The following MYO5A variants were observed in gnomAD, a reference collection of about 807,000 sequenced individuals.
MYO5A encodes the protein myosin VA, also known as unconventional myosin-Va.
MYO5A carries 98 observed loss-of-function variants against 249.7 expected under a neutral mutation model. The observed-to-expected ratio is 0.39, with a 90% CI of 0.33 to 0.46. The LOEUF (loss-of-function observed/expected upper bound fraction) is 0.46. Among genes scored for constraint, MYO5A ranks in the 20% least tolerant of loss-of-function variants. MYO5A has a pLI of 0.98. For synonymous variants in MYO5A, 778 were observed against 810.6 expected (o/e 0.96, Z 0.68); for missense variants, 1,696 against 2,308.8 (o/e 0.73, Z 5.44).
At chr15:52,464,449 G>T (rs1300747477) in intron 1 of MYO5A, among the ~76,000 whole-genome samples, 1 of 152,010 alleles carries the variant, frequency 6.6e-6, no homozygotes, top group Non-Finnish European at 1.5e-5. Context: ...CACTCTTCTG[G>T]TCTCAGTTTA....
At chr15:52,348,206 G>A (rs2039742784) in intron 29 of MYO5A, among the ~76,000 whole-genome samples, 1 of 152,206 alleles carries the variant, frequency 6.6e-6, no homozygotes, top group Non-Finnish European at 1.5e-5. Flanking sequence ...CTGATTCACT[G>A]CTCAAACTTT....
chr15:52,349,845 C>T (rs2039848480), intron 28 of MYO5A, among the ~76,000 whole-genome samples: 1 of 152,162 alleles, frequency 6.6e-6, no homozygotes, highest in African/African-American at 2.4e-5. Flanking sequence ...ACTGTGACAG[C>T]CCTGGGGTAA....
At chr15:52,482,133 A>T (rs1211427872) in intron 1 of MYO5A, among the ~76,000 whole-genome samples, 1 of 152,220 alleles carries the variant, frequency 6.6e-6, no homozygotes, top group Non-Finnish European at 1.5e-5. Context: ...ACAGGCAAAG[A>T]TCATACGGAG....
rs1437049262 is a variant in MYO5A at position 52,351,283 on chromosome 15, C to G, written c.3820G>C (p.Val1274Leu). Reference protein sequence around the residue: ...EEVLILRSQLVSQKEAIQPKD... With the variant: ...EEVLILRSQLLSQKEAIQPKD... ...GGTTGGATGGCCTCTTTCTGGCTCA[C>G]CAGTTGAGACCTTAAGATGAGGACT... The change falls in exon 28 of 42, where the codon GTG (valine) becomes CTG (leucine). Residue 1274 changes from valine (V) to leucine (L), a missense_variant. By Grantham distance (32) the Val-to-Leu change is conservative. Around this residue, in one of 5 missense-constraint regions of MYO5A, gnomAD observed 625 missense variants for 908.1 expected, o/e 0.69. Transcript: ENST00000399233. 3 of 1,614,158 alleles carry G rather than the reference C, an allele frequency of 1.9e-6. No individual in the cohort carries two copies. Among genetic ancestry groups the G allele is most frequent in the African/African-American group, 2.7e-5 (2 of 75,030 alleles).
intron 38 of MYO5A, among the ~76,000 whole-genome samples, chr15:52,319,632 G>A (rs2038206215): frequency 1.3e-5 from 2 of 152,130 alleles, no homozygotes; most frequent in African/African-American, 4.8e-5. Context: ...TCAGAAGGCT[G>A]AGGCAGGACA....
intron 1 of MYO5A, among the ~76,000 whole-genome samples, chr15:52,492,630 G>A (rs1462749382): frequency 2.0e-5 from 3 of 152,188 alleles, no homozygotes; most frequent in African/African-American, 7.2e-5. Context: ...GTTCCCAGAT[G>A]CTCGCCAAGG....
chr15:52,496,576 T>C (rs2077041946), intron 1 of MYO5A, among the ~76,000 whole-genome samples: 1 of 152,084 alleles, frequency 6.6e-6, no homozygotes, highest in African/African-American at 2.4e-5. Flanking sequence ...GCTGTGAAAA[T>C]ACAGGGATCT....
intron 1 of MYO5A, among the ~76,000 whole-genome samples, chr15:52,526,728 T>C (rs138464348): frequency 9.7e-4 from 147 of 152,312 alleles, no homozygotes; most frequent in African/African-American, 3.3e-3. Context: ...AATTTTAAAA[T>C]AGATTGTGAT....
chr15:52,330,952 A>G lies in MYO5A; in HGVS notation c.4409-453T>C, dbSNP rs190362972. Reference sequence around the variant, plus strand: ...ACAATTCCCCCTTGCTCTTGGCTCAATGACTTTAGCCATTAAAAGCAAAAG... The same window carrying G: ...ACAATTCCCCCTTGCTCTTGGCTCAGTGACTTTAGCCATTAAAAGCAAAAG... On this transcript the variant is annotated intron_variant, in intron 34 of 41. Coordinates refer to ENST00000399233, the MANE Select transcript of MYO5A (RefSeq NM_001382347.1). Among the ~76,000 whole-genome samples the G allele has an allele frequency of 3.6e-3, 542 of 152,370 alleles. 1 individual carries two copies. The highest frequency in any genetic ancestry group is 5.8e-3 in the Non-Finnish European group (398 of 68,036).
chr15:52,449,322 A>C (rs72736702), intron 1 of MYO5A, among the ~76,000 whole-genome samples: 22,790 of 151,988 alleles, frequency 0.15, 1,794 homozygotes, highest in Middle Eastern at 0.22. Context: ...GAATGTTACA[A>C]ATCTTTCATG....
At chr15:52,442,175 C>T (rs2075796954) in intron 1 of MYO5A, among the ~76,000 whole-genome samples, 1 of 152,072 alleles carries the variant, frequency 6.6e-6, no homozygotes, top group African/African-American at 2.4e-5. Context: ...CTACCCCAAA[C>T]CTCCAGAACA....
At chr15:52,453,563 T>A (rs569987100) in intron 1 of MYO5A, among the ~76,000 whole-genome samples, 1 of 152,240 alleles carries the variant, frequency 6.6e-6, no homozygotes, top group South Asian at 2.1e-4. Context: ...GAAACTGCAA[T>A]GGTGATGTGC....
chr15:52,485,277 AAAC>A (rs200709075), intron 1 of MYO5A, among the ~76,000 whole-genome samples: 87 of 147,428 alleles, frequency 5.9e-4, no homozygotes, highest in African/African-American at 2.0e-3. Flanking sequence ...AAAAAAAAAA[AAAC>A]AAGACTGTCA....
Position 52,405,760 on chromosome 15 carries a change from T to C in MYO5A, c.947-367A>G, listed in dbSNP as rs1019401769. Reference sequence around the variant, plus strand: ...AAGATTAAATGAGATTAAATGCACATAGCATACTTAATACACGACATGACA... The same window carrying C: ...AAGATTAAATGAGATTAAATGCACACAGCATACTTAATACACGACATGACA... On this transcript the variant is annotated intron_variant, in intron 8 of 41. Coordinates refer to ENST00000399233, the MANE Select transcript of MYO5A (RefSeq NM_001382347.1). 3.9e-5 allele frequency among the ~76,000 whole-genome samples: 6 copies of C among 152,216 alleles called. No individual in the cohort carries two copies. The South Asian group carries it at 8.3e-4, about 21-fold the overall frequency.
Position 52,336,468 on chromosome 15 carries a change from A to G in MYO5A, c.4403T>C (p.Leu1468Pro). The G allele has an allele frequency of 6.3e-7, 1 of 1,596,042 alleles. No homozygotes were observed. Among genetic ancestry groups the G allele is most frequent in the South Asian group, 1.1e-5 (1 of 89,418 alleles). ...LKVFAKKIGE[L>P]EVGQMENISP... Reference sequence around the variant, plus strand: ...TGAAAAAAAGGTTTAAATACCTTCTAGTTCGCCAATTTTTTTGGCAAATAC... The same window carrying G: ...TGAAAAAAAGGTTTAAATACCTTCTGGTTCGCCAATTTTTTTGGCAAATAC... The change falls in exon 34 of 42, where the codon CTA becomes CCA. Residue 1468 changes from leucine (L) to proline (P), a missense_variant. Coordinates refer to ENST00000399233, the MANE Select transcript of MYO5A (RefSeq NM_001382347.1).
chr15:52,384,350 A>C, intron 14 of MYO5A, 28 bp from the exon 15 acceptor site: 1 of 1,609,196 alleles, frequency 6.2e-7, no homozygotes, highest in Non-Finnish European at 8.5e-7. Context: ...TAAAGAAATT[A>C]CATTCTAAAC....
intron 1 of MYO5A, among the ~76,000 whole-genome samples, chr15:52,508,256 T>C (rs549924199): frequency 6.6e-6 from 1 of 152,304 alleles, no homozygotes; most frequent in Admixed American, 6.5e-5. Flanking sequence ...ACACAAGTCC[T>C]AAAATGGCAA....
At chr15:52,490,648 G>C (rs574429385) in intron 1 of MYO5A, among the ~76,000 whole-genome samples, 16 of 152,208 alleles carry the variant, frequency 1.1e-4, no homozygotes, top group Non-Finnish European at 2.2e-4. Flanking sequence ...GGGAGTTATT[G>C]TTTAATGGGT....
intron 21 of MYO5A, 119 bp from the exon 22 acceptor site, chr15:52,370,536 C>T (rs2041050365): frequency 9.3e-7 from 1 of 1,080,900 alleles, no homozygotes; most frequent in African/African-American, 1.6e-5. Flanking sequence ...GATATAGTAT[C>T]CAACCAAAAT....
Sources: allele counts gnomAD v4.1 joint callset (sites outside exome capture counted in the v4.1 genomes callset), GRCh38; gene constraint gnomAD v4.1.1; regional missense constraint gnomAD v4.1.1; transcripts MANE v1.5; gene names NCBI Gene and HGNC (gene_info 2026-07-23, HGNC 2026-07-21).